Variants in GALNTL6 observed in about 807,000 individuals in gnomAD.
The protein encoded by GALNTL6 is polypeptide N-acetylgalactosaminyltransferase like 6, also known as polypeptide N-acetylgalactosaminyltransferase-like 6.
Under a neutral mutation model 73.7 loss-of-function variants are expected in GALNTL6, and 46 were observed. The observed-to-expected ratio is 0.62, with a 90% CI of 0.49 to 0.80. The LOEUF (loss-of-function observed/expected upper bound fraction) is 0.80. Among genes scored for constraint, GALNTL6 ranks in the 30% least tolerant of loss-of-function variants. GALNTL6 has a pLI of 0.00. For missense variants in GALNTL6, 604 were observed against 755.0 expected (o/e 0.80, Z 2.34); for synonymous variants, 259 against 263.7 (o/e 0.98, Z 0.17).
At chr4:172,397,969 G>C (rs1743910361) in intron 5 of GALNTL6, among the ~76,000 whole-genome samples, 1 of 151,870 alleles carries the variant, frequency 6.6e-6, no homozygotes, top group African/African-American at 2.4e-5. Context: ...GGATTCTTCT[G>C]TCCTTCTTTG....
intron 2 of GALNTL6, among the ~76,000 whole-genome samples, chr4:172,083,205 T>C (rs1361890406): frequency 2.0e-5 from 3 of 152,228 alleles, no homozygotes; most frequent in Non-Finnish European, 2.9e-5. Flanking sequence ...TAAGACTTTC[T>C]CTTGCTTTAT....
At chr4:172,327,718 T>G (rs1437467683) in intron 4 of GALNTL6, among the ~76,000 whole-genome samples, 1 of 151,914 alleles carries the variant, frequency 6.6e-6, no homozygotes, top group Non-Finnish European at 1.5e-5. Flanking sequence ...GCCACCCATG[T>G]TTTTTTTCCC....
intron 5 of GALNTL6, among the ~76,000 whole-genome samples, chr4:172,722,443 T>C (rs1579394291): frequency 6.6e-6 from 1 of 152,328 alleles, no homozygotes; most frequent in East Asian, 1.9e-4. Flanking sequence ...ATAATCACTC[T>C]AATGTGTTCT....
At chr4:172,801,392 C>T (rs13109643) in intron 5 of GALNTL6, among the ~76,000 whole-genome samples, 1 of 151,982 alleles carries the variant, frequency 6.6e-6, no homozygotes, top group Non-Finnish European at 1.5e-5. Flanking sequence ...TTAACTATAG[C>T]TCTCTCTCTC....
chr4:172,744,834 C>G, intron 5 of GALNTL6, among the ~76,000 whole-genome samples: 1 of 84,690 alleles, frequency 1.2e-5, no homozygotes, highest in Non-Finnish European at 2.4e-5. Context: ...TTTAAGAGTG[C>G]GCGTGCGTGT....
intron 5 of GALNTL6, among the ~76,000 whole-genome samples, chr4:172,799,354 T>C (rs1219602148): frequency 6.6e-6 from 1 of 151,952 alleles, no homozygotes; most frequent in South Asian, 2.1e-4. Flanking sequence ...GTTCAGGAGG[T>C]TTTTCTTGTT....
intron 5 of GALNTL6, among the ~76,000 whole-genome samples, chr4:172,393,613 C>T (rs1272231115): frequency 2.6e-5 from 4 of 152,154 alleles, no homozygotes; most frequent in African/African-American, 7.2e-5. Flanking sequence ...CTTTACATAG[C>T]ATACGAAAAT....
chr4:171,915,863 T>C (rs1403133771), intron 2 of GALNTL6, among the ~76,000 whole-genome samples: 1 of 152,164 alleles, frequency 6.6e-6, no homozygotes, highest in Non-Finnish European at 1.5e-5. Flanking sequence ...CTTCTGACTT[T>C]TCACATAACT....
At chr4:172,715,015 A>T (rs1193355575) in intron 5 of GALNTL6, among the ~76,000 whole-genome samples, 2 of 152,166 alleles carry the variant, frequency 1.3e-5, no homozygotes, top group African/African-American at 2.4e-5. Context: ...GAGGAAAACT[A>T]ATCAAATTCT....
At chr4:172,079,730 A>C (rs1731820327) in intron 2 of GALNTL6, among the ~76,000 whole-genome samples, 1 of 152,130 alleles carries the variant, frequency 6.6e-6, no homozygotes, top group South Asian at 2.1e-4. Context: ...GAATTGAATT[A>C]AATGAATTTC....
At chr4:171,837,542 GA>G (rs34606699) in intron 2 of GALNTL6, among the ~76,000 whole-genome samples, 37,623 of 146,108 alleles carry the variant, frequency 0.26, 5,003 homozygotes, top group Middle Eastern at 0.36. Context: ...AAATGGTTCA[GA>G]AAAAAAAATA....
intron 7 of GALNTL6, among the ~76,000 whole-genome samples, chr4:172,839,967 G>A (rs777758678): frequency 6.6e-6 from 1 of 152,296 alleles, no homozygotes; most frequent in East Asian, 1.9e-4. Context: ...CTGAAGACTA[G>A]TTGTCTTACC....
rs924014646 is a variant in GALNTL6 at position 172,286,969 on chromosome 4, C to G, written c.248-24645C>G. ...AACTCTAGATGCTCAATCTTTCACC[C>G]CTGCCCTCCCATGTAGCCATAGTGA... On this transcript the variant is annotated intron_variant, in intron 3 of 12. Coordinates refer to ENST00000506823, the MANE Select transcript of GALNTL6 (RefSeq NM_001034845.3). Among the ~76,000 whole-genome samples the G allele has an allele frequency of 9.8e-5, 15 of 152,292 alleles. No individual in the cohort carries two copies. In the East Asian group the frequency reaches 2.9e-3, roughly 29 times the overall value.
intron 4 of GALNTL6, among the ~76,000 whole-genome samples, chr4:172,339,617 G>A (rs1020698283): frequency 6.6e-6 from 1 of 152,080 alleles, no homozygotes; most frequent in African/African-American, 2.4e-5. Flanking sequence ...AACTCCAGTC[G>A]GGGAAAATGC....
chr4:172,643,036 G>A (rs976315274), intron 5 of GALNTL6, among the ~76,000 whole-genome samples: 1 of 151,356 alleles, frequency 6.6e-6, no homozygotes, highest in Admixed American at 6.6e-5. Context: ...AAAAAAAATA[G>A]ATATATAGAA....
Position 172,600,285 on chromosome 4 carries a change from A to G in GALNTL6, c.554-209076A>G, listed in dbSNP as rs138910378. 1.6e-4 allele frequency among the ~76,000 whole-genome samples: 25 copies of G among 152,276 alleles called. No homozygotes were observed. The East Asian group carries it at 4.8e-3, about 29-fold the overall frequency. Reference sequence around the variant, plus strand: ...AAAAAATCTTTAACAAAAGATTTCAACAACTGAAAACTAAGCAGCATAGAG... The same window carrying G: ...AAAAAATCTTTAACAAAAGATTTCAGCAACTGAAAACTAAGCAGCATAGAG... On this transcript the variant is annotated intron_variant, in intron 5 of 12. Coordinates refer to ENST00000506823, the MANE Select transcript of GALNTL6 (RefSeq NM_001034845.3).
chr4:172,234,864 TA>T (rs1163521230), intron 3 of GALNTL6, among the ~76,000 whole-genome samples: 1 of 152,172 alleles, frequency 6.6e-6, no homozygotes, highest in African/African-American at 2.4e-5. Flanking sequence ...TGTTGTAAAC[TA>T]AAATTATTTC....
intron 5 of GALNTL6, among the ~76,000 whole-genome samples, chr4:172,600,710 T>C (rs1158213393): frequency 1.3e-5 from 2 of 152,100 alleles, no homozygotes; most frequent in African/African-American, 4.8e-5. Context: ...CATTAAAAAT[T>C]TGGGCAGTCA....
intron 3 of GALNTL6, among the ~76,000 whole-genome samples, chr4:172,248,193 T>C (rs186688921): frequency 2.6e-5 from 4 of 152,210 alleles, no homozygotes; most frequent in African/African-American, 7.2e-5. Flanking sequence ...AGTTAGCTAA[T>C]GAAAATTTAT....
Sources: gnomAD v4.1 joint callset for allele counts (sites outside exome capture counted in the v4.1 genomes callset) on GRCh38, gnomAD v4.1.1 for gene constraint, MANE v1.5 for transcripts, NCBI Gene and HGNC (gene_info 2026-07-23, HGNC 2026-07-21) for gene names.